The following ARHGAP28 variants were observed in gnomAD, a reference collection of about 807,000 sequenced individuals.
ARHGAP28 encodes the protein Rho GTPase activating protein 28.
Under a neutral mutation model 90.7 loss-of-function variants are expected in ARHGAP28, and 56 were observed. The ratio of observed to expected loss-of-function variants is 0.62; its 90% CI spans 0.50 to 0.77. The LOEUF (loss-of-function observed/expected upper bound fraction) is 0.77, where lower values mean the gene tolerates loss of function less well. Ranked by LOEUF, ARHGAP28 falls within the 30% of genes least tolerant of loss-of-function variation. ARHGAP28 has a pLI of 0.00. For missense variants in ARHGAP28, 869 were observed against 900.9 expected (o/e 0.96, Z 0.45); for synonymous variants, 308 against 323.3 (o/e 0.95, Z 0.51).
chr18:6,823,429 T>C (rs1406810529), intron 1 of ARHGAP28, among the ~76,000 whole-genome samples: 1 of 152,148 alleles, frequency 6.6e-6, no homozygotes, highest in East Asian at 1.9e-4. Context: ...ATTCATCTGC[T>C]GATAGCACTT....
intron 1 of ARHGAP28, among the ~76,000 whole-genome samples, chr18:6,757,607 A>G (rs1388619612): frequency 3.3e-5 from 5 of 152,200 alleles, no homozygotes; most frequent in Non-Finnish European, 7.3e-5. Context: ...TACCTATCCT[A>G]TTGAATTAAG....
In ARHGAP28 at chr18:6,914,020, T is replaced by A. The variant is rs980840068; in HGVS notation, c.*1866T>A. On this transcript the variant is annotated 3_prime_UTR_variant, in exon 18 of 18. Coordinates refer to ENST00000383472, the MANE Select transcript of ARHGAP28 (RefSeq NM_001366230.1). ...AATAGCTACCTTACATTTCTGCGTA[T>A]ATATGAAAACTGAATGATATTTCTC... The A allele has an allele frequency of 6.6e-6, 1 of 152,192 alleles. No individual in the cohort carries two copies. Among genetic ancestry groups the A allele is most frequent in the Non-Finnish European group, 1.5e-5 (1 of 68,034 alleles). 9.4% of individuals were successfully genotyped at this position (152,192 alleles called of 1,614,324 possible). A position where few individuals can be genotyped will look rare whatever the true frequency, so the allele number is the denominator to read the frequency against.
chr18:6,903,506 A>G (rs1355157412), intron 16 of ARHGAP28, among the ~76,000 whole-genome samples: 1 of 152,152 alleles, frequency 6.6e-6, no homozygotes, highest in Non-Finnish European at 1.5e-5. Context: ...AAAGCAATAT[A>G]CTCAAAAATT....
intron 5 of ARHGAP28, among the ~76,000 whole-genome samples, chr18:6,865,502 G>T (rs924927163): frequency 1.3e-5 from 2 of 152,144 alleles, no homozygotes; most frequent in Non-Finnish European, 2.9e-5. Context: ...GAGCCTTACT[G>T]TCTTGGTTTA....
chr18:6,779,580 A>G (rs2056308980), intron 1 of ARHGAP28, among the ~76,000 whole-genome samples: 1 of 152,206 alleles, frequency 6.6e-6, no homozygotes, highest in African/African-American at 2.4e-5. Context: ...AGGTACAGGT[A>G]TACCCCGATC....
chr18:6,883,989 TC>T (rs1309708693), intron 11 of ARHGAP28, among the ~76,000 whole-genome samples: 1 of 152,188 alleles, frequency 6.6e-6, no homozygotes, highest in Non-Finnish European at 1.5e-5. Flanking sequence ...TAAAATACTT[TC>T]TGTTTTTCTG....
At chr18:6,779,559 T>C (rs2056308760) in intron 1 of ARHGAP28, among the ~76,000 whole-genome samples, 1 of 152,212 alleles carries the variant, frequency 6.6e-6, no homozygotes, top group Non-Finnish European at 1.5e-5. Flanking sequence ...AGTTTCAATA[T>C]ATAGTTTCCA....
chr18:6,864,049 T>G (rs538767727), intron 5 of ARHGAP28, among the ~76,000 whole-genome samples: 1 of 152,036 alleles, frequency 6.6e-6, no homozygotes, highest in East Asian at 1.9e-4. Context: ...CCTGGCTTGT[T>G]TATTTTTATT....
At chr18:6,813,389 A>T (rs143727118) in intron 1 of ARHGAP28, among the ~76,000 whole-genome samples, 160 of 152,272 alleles carry the variant, frequency 1.1e-3, no homozygotes, top group African/African-American at 3.6e-3. Context: ...TAGCCAGTGT[A>T]TTTGGTCTGC....
At chr18:6,819,445 C>T (rs1236640390) in intron 1 of ARHGAP28, among the ~76,000 whole-genome samples, 1 of 152,168 alleles carries the variant, frequency 6.6e-6, no homozygotes, top group Non-Finnish European at 1.5e-5. Context: ...TAAGCAGAGC[C>T]AAGTGGTCAT....
intron 1 of ARHGAP28, among the ~76,000 whole-genome samples, chr18:6,764,903 A>G (rs2056188577): frequency 6.6e-6 from 1 of 152,212 alleles, no homozygotes; most frequent in South Asian, 2.1e-4. Flanking sequence ...AAAGGCCTGT[A>G]CTATTGAGTT....
chr18:6,777,355 G>A, intron 1 of ARHGAP28, among the ~76,000 whole-genome samples: 1 of 152,110 alleles, frequency 6.6e-6, no homozygotes. Context: ...GGACAAGATG[G>A]GTTTCAAGTG....
At position 6,912,308 on chromosome 18, in the gene ARHGAP28, G is replaced by C; in HGVS notation, c.*154G>C. Reference sequence around the variant, plus strand: ...GTGGGCATTGTAAGCATGAACTATGGAAGAGGCGCCGGTTCACCAATTCAA... The same window carrying C: ...GTGGGCATTGTAAGCATGAACTATGCAAGAGGCGCCGGTTCACCAATTCAA... On this transcript the variant is annotated 3_prime_UTR_variant, in exon 18 of 18. Coordinates refer to ENST00000383472, the MANE Select transcript of ARHGAP28 (RefSeq NM_001366230.1). 2.3e-6 allele frequency: 1 copy of C among 437,690 alleles called. No homozygotes were observed. The allele number at this position is 437,690 out of a possible 1,614,324, so 27.1% of individuals were successfully genotyped here.
At chr18:6,908,085 G>A (rs966732594) in intron 16 of ARHGAP28, among the ~76,000 whole-genome samples, 1 of 151,904 alleles carries the variant, frequency 6.6e-6, no homozygotes, top group South Asian at 2.1e-4. Context: ...ATAGTTTCCT[G>A]TGACTTGCTT....
At position 6,824,192 on chromosome 18, in the gene ARHGAP28, TA is replaced by T. The variant is rs960628223; in HGVS notation, c.123-565del. 2.6e-4 allele frequency among the ~76,000 whole-genome samples: 40 copies of T among 152,174 alleles called. 1 individual carries two copies. On this transcript the variant is annotated intron_variant, in intron 1 of 17. Coordinates refer to ENST00000383472, the MANE Select transcript of ARHGAP28 (RefSeq NM_001366230.1). Reference sequence around the variant, plus strand: ...TATTTTATGAGTGTGTGAAAATGATTAAAAACATATTCATGTTAATTCCTAT... The same window carrying T: ...TATTTTATGAGTGTGTGAAAATGATTAAAACATATTCATGTTAATTCCTAT...
intron 1 of ARHGAP28, among the ~76,000 whole-genome samples, chr18:6,736,672 AG>A (rs1278221003): frequency 6.7e-6 from 1 of 149,610 alleles, no homozygotes; most frequent in Non-Finnish European, 1.5e-5. Context: ...ACTTGAACCC[AG>A]GAGGCGGAGG....
chr18:6,868,775 T>C (rs1470437035), intron 6 of ARHGAP28, among the ~76,000 whole-genome samples: 1 of 152,114 alleles, frequency 6.6e-6, no homozygotes, highest in Non-Finnish European at 1.5e-5. Flanking sequence ...AATACATGCA[T>C]TCTTTTTGTA....
intron 5 of ARHGAP28, among the ~76,000 whole-genome samples, chr18:6,867,726 T>G (rs1001511067): frequency 2.0e-5 from 3 of 152,186 alleles, no homozygotes; most frequent in Admixed American, 6.6e-5. Context: ...ATAATTAATA[T>G]AAGTAAGACA....
rs10602816 is a variant in ARHGAP28 at position 6,782,592 on chromosome 18, ATTTT to A, written c.123-42136_123-42133del. Among the ~76,000 whole-genome samples, 42 of 26,684 alleles carry A rather than the reference ATTTT, an allele frequency of 1.6e-3. 1 individual carries two copies. The highest frequency in any genetic ancestry group is 2.9e-3 in the African/African-American group (29 of 10,114). 17.5% of individuals were successfully genotyped at this position (26,684 alleles called of 152,430 possible). ...GCCATCACGCCCAGCTAATTTTTGTATTTTTTTTTTTTTTTTTTTTTTTTTTTTT... is the reference window on the plus strand; with the variant it reads ...GCCATCACGCCCAGCTAATTTTTGTATTTTTTTTTTTTTTTTTTTTTTTTT... On this transcript the variant is annotated intron_variant, in intron 1 of 17. Coordinates refer to ENST00000383472, the MANE Select transcript of ARHGAP28 (RefSeq NM_001366230.1).
Sources: allele counts gnomAD v4.1 joint callset (sites outside exome capture counted in the v4.1 genomes callset), GRCh38; gene constraint gnomAD v4.1.1; transcripts MANE v1.5; gene names NCBI Gene and HGNC (gene_info 2026-07-23, HGNC 2026-07-21).